Variants in GRIK4 observed in about 807,000 individuals in gnomAD.
GRIK4 encodes glutamate ionotropic receptor kainate type subunit 4, also known as glutamate receptor ionotropic, kainate 4.
Under a neutral mutation model 104.9 loss-of-function variants are expected in GRIK4, and 40 were observed. The ratio of observed to expected loss-of-function variants is 0.38; its 90% confidence interval spans 0.30 to 0.50. The LOEUF (loss-of-function observed/expected upper bound fraction) is 0.50. Ranked by LOEUF, GRIK4 falls within the 20% of genes least tolerant of loss-of-function variation. The pLI is 0.93. For synonymous variants in GRIK4, 485 were observed against 524.9 expected (o/e 0.92, Z 1.04); for missense variants, 1,047 against 1,308.1 (o/e 0.80, Z 3.08).
intron 14 of GRIK4, among the ~76,000 whole-genome samples, chr11:120,948,453 A>G (rs1235369584): frequency 6.6e-6 from 1 of 152,158 alleles, no homozygotes; most frequent in African/African-American, 2.4e-5. Context: ...CCACTCTGTC[A>G]ATGACGTCTT....
chr11:120,680,358 C>G (rs527842106), intron 3 of GRIK4, among the ~76,000 whole-genome samples: 2 of 148,004 alleles, frequency 1.4e-5, no homozygotes, highest in African/African-American at 4.9e-5. Flanking sequence ...CTAAGTATTA[C>G]AGACGTGAGC....
At chr11:120,782,345 G>T (rs1677961819) in intron 3 of GRIK4, among the ~76,000 whole-genome samples, 1 of 150,388 alleles carries the variant, frequency 6.6e-6, no homozygotes, top group African/African-American at 2.5e-5. Flanking sequence ...GAATGCAGTG[G>T]CTCAGTCTCG....
intron 11 of GRIK4, among the ~76,000 whole-genome samples, chr11:120,882,578 C>A (rs1275986842): frequency 2.6e-5 from 4 of 152,164 alleles, no homozygotes; most frequent in Non-Finnish European, 5.9e-5. Context: ...GGCTGGGGGG[C>A]TGCTTTGAAG....
At chr11:120,897,624 A>AAAAAAAAAAAAAAAAAAAAAAAAAAAT (rs1942620453) in intron 11 of GRIK4, among the ~76,000 whole-genome samples, 1 of 145,324 alleles carries the variant, frequency 6.9e-6, no homozygotes, top group Non-Finnish European at 1.5e-5. Context: ...AAAAAAAAAA[A>AAAAAAAAAAAAAAAAAAAAAAAAAAAT]AAAGAGTACA....
At position 120,720,359 on chromosome 11, in the gene GRIK4, G is replaced by A. The variant is rs574600353; in HGVS notation, c.82+59959G>A. ...TTTCTGCAGACATCCTTTGATGTGC[G>A]TTTGGCTGTGAGCAAAGTAATATAG... On this transcript the variant is annotated intron_variant, in intron 3 of 20. Transcript: ENST00000527524. Among the ~76,000 whole-genome samples, 250 of 152,334 alleles carry A rather than the reference G, an allele frequency of 1.6e-3. 1 individual carries two copies. The highest frequency in any genetic ancestry group is 5.7e-3 in the African/African-American group (238 of 41,580).
At chr11:120,925,033 G>A (rs1943311944) in intron 13 of GRIK4, among the ~76,000 whole-genome samples, 1 of 152,188 alleles carries the variant, frequency 6.6e-6, no homozygotes. Context: ...CCCTGGGGAG[G>A]TGGGGCAGTT....
intron 4 of GRIK4, among the ~76,000 whole-genome samples, chr11:120,811,375 G>A (rs931477265): frequency 1.3e-5 from 2 of 152,202 alleles, no homozygotes; most frequent in African/African-American, 4.8e-5. Flanking sequence ...CATTTGCTGG[G>A]GATGGCTGTG....
intron 3 of GRIK4, among the ~76,000 whole-genome samples, chr11:120,747,161 T>C (rs1474493575): frequency 1.3e-5 from 2 of 152,224 alleles, no homozygotes; most frequent in African/African-American, 4.8e-5. Context: ...TCAGCAGACC[T>C]ACTGCCTTGA....
intron 1 of GRIK4, among the ~76,000 whole-genome samples, chr11:120,629,007 C>T (rs1408199188): frequency 2.0e-5 from 3 of 152,132 alleles, no homozygotes; most frequent in African/African-American, 7.2e-5. Context: ...ATGAAATCAC[C>T]ACCGAGCAAG....
chr11:120,610,260 A>C (rs1185238772), intron 1 of GRIK4, among the ~76,000 whole-genome samples: 3 of 152,282 alleles, frequency 2.0e-5, no homozygotes, highest in Non-Finnish European at 2.9e-5. Context: ...GTAATTGAAG[A>C]AAACATGAAT....
At chr11:120,561,390 T>C (rs1050836949) in intron 1 of GRIK4, among the ~76,000 whole-genome samples, 1 of 152,224 alleles carries the variant, frequency 6.6e-6, no homozygotes, top group Non-Finnish European at 1.5e-5. Flanking sequence ...TCCTTCATGC[T>C]TTCGCCTCTC....
At chr11:120,606,501 G>A (rs999601381) in intron 1 of GRIK4, among the ~76,000 whole-genome samples, 1 of 152,198 alleles carries the variant, frequency 6.6e-6, no homozygotes, top group South Asian at 2.1e-4. Flanking sequence ...GAGCCCGAGG[G>A]GAGAAACTGT....
intron 5 of GRIK4, among the ~76,000 whole-genome samples, chr11:120,817,782 G>A (rs1175213275): frequency 3.9e-5 from 6 of 152,202 alleles, no homozygotes; most frequent in African/African-American, 7.2e-5. Context: ...AGACTGTGCC[G>A]AAGGCTCCCC....
chr11:120,828,306 G>A (rs773924416), intron 6 of GRIK4, among the ~76,000 whole-genome samples: 2 of 152,136 alleles, frequency 1.3e-5, no homozygotes, highest in South Asian at 2.1e-4. Flanking sequence ...ACGCATATAC[G>A]TGCTCTCAAA....
At chr11:120,701,951 C>CTTTTTT (rs34068640) in intron 3 of GRIK4, among the ~76,000 whole-genome samples, 15 of 92,088 alleles carry the variant, frequency 1.6e-4, no homozygotes, top group Admixed American at 2.7e-4. Flanking sequence ...TGATTCCAAG[C>CTTTTTT]TTTTTTTTTT....
intron 14 of GRIK4, among the ~76,000 whole-genome samples, chr11:120,946,535 A>G (rs2134667555): frequency 6.6e-6 from 1 of 152,356 alleles, no homozygotes; most frequent in East Asian, 1.9e-4. Context: ...ATTTAAAATA[A>G]AAACTCAGTA....
intron 11 of GRIK4, chr11:120,894,346 G>A (rs1942508296): frequency 6.6e-6 from 1 of 152,226 alleles, no homozygotes; most frequent in Admixed American, 6.5e-5. Flanking sequence ...CAGCAGAGAA[G>A]CCGGGTTAAA....
chr11:120,850,509 T>C (rs1338652048), intron 8 of GRIK4, among the ~76,000 whole-genome samples: 8 of 152,230 alleles, frequency 5.3e-5, no homozygotes, highest in Admixed American at 5.2e-4. Context: ...CATACATCCC[T>C]TGATCATGCA....
intron 7 of GRIK4, among the ~76,000 whole-genome samples, chr11:120,833,016 G>A (rs1953471441): frequency 1.3e-5 from 2 of 152,100 alleles, no homozygotes; most frequent in Admixed American, 1.3e-4. Context: ...GGGGAGCGAG[G>A]CTCCTCGTTA....
Sources: gnomAD v4.1 joint callset for allele counts (sites outside exome capture counted in the v4.1 genomes callset) on GRCh38, gnomAD v4.1.1 for gene constraint, MANE v1.5 for transcripts, NCBI Gene and HGNC (gene_info 2026-07-23, HGNC 2026-07-21) for gene names.